The following PARN variants were observed in gnomAD, a reference collection of about 807,000 sequenced individuals.
PARN encodes the protein poly(A)-specific ribonuclease PARN.
Under a neutral mutation model 102.8 loss-of-function variants are expected in PARN, and 71 were observed. The ratio of observed to expected loss-of-function variants is 0.69; its 90% CI spans 0.57 to 0.84. The LOEUF is 0.84. Among genes scored for constraint, PARN ranks in the 40% least tolerant of loss-of-function variants. PARN has a pLI of 0.00. For synonymous variants in PARN, 261 were observed against 252.9 expected, an observed-to-expected ratio of 1.03 and a Z score of -0.30; for missense variants, 782 against 760.9, an observed-to-expected ratio of 1.03 and a Z score of -0.33.
chr16:14,526,259 C>T (rs1420630715), intron 21 of PARN, among the ~76,000 whole-genome samples: 1 of 151,476 alleles, frequency 6.6e-6, no homozygotes, highest in African/African-American at 2.4e-5. Context: ...TCACTGCAAG[C>T]TCCGCCTCCC....
intron 22 of PARN, among the ~76,000 whole-genome samples, chr16:14,478,111 T>G (rs908507718): frequency 5.9e-5 from 9 of 151,974 alleles, no homozygotes; most frequent in Non-Finnish European, 1.3e-4. Flanking sequence ...AGGTCAAAGG[T>G]TCAAGACCAG....
intron 13 of PARN, among the ~76,000 whole-genome samples, chr16:14,586,575 TA>T (rs949276598): frequency 6.6e-6 from 1 of 152,136 alleles, no homozygotes; most frequent in Non-Finnish European, 1.5e-5. Flanking sequence ...ACCTGATAAC[TA>T]ACTTCTGCAT....
intron 6 of PARN, among the ~76,000 whole-genome samples, 155 bp downstream of exon 6, chr16:14,617,435 G>A (rs893456786): frequency 6.7e-4 from 101 of 150,730 alleles, no homozygotes; most frequent in African/African-American, 2.4e-3. Flanking sequence ...AAAATTCTAA[G>A]GCTGCATATG....
chr16:14,586,975 T>A (rs1969897519), intron 13 of PARN, among the ~76,000 whole-genome samples: 1 of 152,244 alleles, frequency 6.6e-6, no homozygotes, highest in Admixed American at 6.5e-5. Flanking sequence ...AAGTTTATTT[T>A]GATCAGGAAG....
chr16:14,608,265 C>T lies in PARN; in HGVS notation c.659+16G>A. The T allele has an allele frequency of 6.6e-7, 1 of 1,514,666 alleles. No homozygotes were observed. Among genetic ancestry groups the T allele is most frequent in the Non-Finnish European group, 9.0e-7 (1 of 1,116,872 alleles). 93.8% of individuals were successfully genotyped at this position (1,514,666 alleles called of 1,614,324 possible). ...GGGTCCCCCACAGAGCTGCTGCATA[C>T]AATATAAATACTTACTTCCAGCTCA... On this transcript the variant is annotated intron_variant, in intron 9 of 23. Coordinates refer to ENST00000437198, the MANE Select transcript of PARN (RefSeq NM_002582.4).
At position 14,435,742 on chromosome 16, in the gene PARN, T is replaced by C. The variant is rs1960652880; in HGVS notation, c.*975A>G. 1 of 152,078 alleles carries C rather than the reference T, an allele frequency of 6.6e-6. No homozygotes were observed. Among genetic ancestry groups the C allele is most frequent in the Non-Finnish European group, 1.5e-5 (1 of 68,020 alleles). 9.4% of individuals were successfully genotyped at this position (152,078 alleles called of 1,614,324 possible). ...TTAATTTTCATCTTTTGGAAATACATTTTTCATTTTTATTTCCACCATACA... is the reference window on the plus strand; with the variant it reads ...TTAATTTTCATCTTTTGGAAATACACTTTTCATTTTTATTTCCACCATACA... On this transcript the variant is annotated 3_prime_UTR_variant, in exon 24 of 24. Coordinates refer to ENST00000437198, the MANE Select transcript of PARN (RefSeq NM_002582.4).
chr16:14,542,574 AAAAAG>A (rs1466660524), intron 21 of PARN, among the ~76,000 whole-genome samples: 3 of 152,092 alleles, frequency 2.0e-5, no homozygotes, highest in Admixed American at 6.5e-5. Flanking sequence ...AATTAAAAAA[AAAAAG>A]AAAAGAAAAC....
At chr16:14,626,513 A>C (rs1409161925) in intron 5 of PARN, among the ~76,000 whole-genome samples, 1 of 152,144 alleles carries the variant, frequency 6.6e-6, no homozygotes, top group African/African-American at 2.4e-5. Flanking sequence ...AAAATCCCAA[A>C]TGGAGTTACG....
At chr16:14,444,826 C>A (rs1344717978) in intron 23 of PARN, among the ~76,000 whole-genome samples, 5 of 152,108 alleles carry the variant, frequency 3.3e-5, no homozygotes, top group South Asian at 2.1e-4. Context: ...ACTTTTTCTT[C>A]TTTCTTTTCT....
chr16:14,624,884 T>C (rs534724334), intron 5 of PARN, among the ~76,000 whole-genome samples: 3 of 152,004 alleles, frequency 2.0e-5, no homozygotes, highest in East Asian at 3.9e-4. Context: ...AAACCCTATC[T>C]CTACTAAAAA....
chr16:14,471,766 T>C (rs1245293360), intron 22 of PARN, among the ~76,000 whole-genome samples: 1 of 152,194 alleles, frequency 6.6e-6, no homozygotes, highest in Non-Finnish European at 1.5e-5. Flanking sequence ...TTTTGTCTTT[T>C]TGTGATGGGC....
chr16:14,496,529 G>A (rs1964327645), intron 21 of PARN, among the ~76,000 whole-genome samples: 1 of 152,176 alleles, frequency 6.6e-6, no homozygotes, highest in Non-Finnish European at 1.5e-5. Flanking sequence ...GAAGTTGACA[G>A]ACAGCTGAAA....
At position 14,627,327 on chromosome 16, in the gene PARN, C is replaced by G; in HGVS notation, c.187G>C (p.Asp63His). Reference sequence around the variant, plus strand: ...AGGCCAAACTGAAATAGCAAAAAGTCCATGGAATGCTGGAAAAGGGAAATA... The same window carrying G: ...AGGCCAAACTGAAATAGCAAAAAGTGCATGGAATGCTGGAAAAGGGAAATA... ...RYQKLKKHSMDFLLFQFGLCT... is the reference protein window; with the variant it reads ...RYQKLKKHSMHFLLFQFGLCT... Residue 63 changes from aspartate to histidine, a missense_variant, in exon 4 of 24, where the codon GAC becomes CAC. Physicochemically the swap from Asp to His is moderately conservative, Grantham distance 81. Coordinates refer to ENST00000437198, the MANE Select transcript of PARN (RefSeq NM_002582.4). 6.3e-7 allele frequency: 1 copy of G among 1,586,206 alleles called. No individual in the cohort carries two copies. Among genetic ancestry groups the G allele is most frequent in the Non-Finnish European group, 8.6e-7 (1 of 1,165,050 alleles).
rs1967639910 is a variant in PARN at position 14,555,687 on chromosome 16, C to T, written c.1285G>A (p.Asp429Asn). 6.7e-7 allele frequency: 1 copy of T among 1,488,160 alleles called. No homozygotes were observed. The highest frequency in any genetic ancestry group is 9.1e-7 in the Non-Finnish European group (1 of 1,095,720). The allele number at this position is 1,488,160 out of a possible 1,614,324, so 92.2% of individuals were successfully genotyped here. A position where few individuals can be genotyped will look rare whatever the true frequency, so the allele number is the denominator to read the frequency against. ...CCTTCCAAGTTTAGATAGGGGATAT[C>T]CATGACCCTCATAAGAAATAACCTA... ...FNKLFLMRVM[D>N]IPYLNLEGPD... Residue 429 changes from aspartate (D) to asparagine (N), a missense_variant, in exon 19 of 24, where the codon GAT (aspartate) becomes AAT (asparagine). Asp to Asn is a conservative substitution (Grantham distance 23). Transcript: ENST00000437198.
chr16:14,581,651 G>A (rs915621590), intron 17 of PARN, among the ~76,000 whole-genome samples: 1 of 152,156 alleles, frequency 6.6e-6, no homozygotes, highest in African/African-American at 2.4e-5. Flanking sequence ...TGGGTGCGGT[G>A]GCTCAAGCCT....
At chr16:14,539,265 G>C (rs1464231208) in intron 21 of PARN, among the ~76,000 whole-genome samples, 1 of 152,170 alleles carries the variant, frequency 6.6e-6, no homozygotes, top group Non-Finnish European at 1.5e-5. Flanking sequence ...CAATGTAACA[G>C]AATATGAAAC....
chr16:14,590,584 G>GAGAT (rs1304961676), intron 13 of PARN, among the ~76,000 whole-genome samples: 1 of 143,684 alleles, frequency 7.0e-6, no homozygotes, highest in Non-Finnish European at 1.5e-5. Flanking sequence ...GCACTGAGCA[G>GAGAT]AGATCACACC....
chr16:14,484,616 C>T (rs1464767728), intron 21 of PARN, among the ~76,000 whole-genome samples: 3 of 152,148 alleles, frequency 2.0e-5, no homozygotes, highest in South Asian at 2.1e-4. Context: ...GTGGGCACGT[C>T]GGCACTGGAC....
At position 14,439,753 on chromosome 16, in the gene PARN, C is replaced by T. The variant is rs148978624; in HGVS notation, c.1865-2981G>A. On this transcript the variant is annotated intron_variant, in intron 23 of 23. Coordinates refer to ENST00000437198, the MANE Select transcript of PARN (RefSeq NM_002582.4). ...AAAAGAGGCTGGCTGTGGTGGCTCA[C>T]GCCTGTAATCCCAGCACTTTGGGAG... Among the ~76,000 whole-genome samples, 421 of 152,274 alleles carry T rather than the reference C, an allele frequency of 2.8e-3. 3 individuals carry two copies. The highest frequency in any genetic ancestry group is 0.013 in the Admixed American group (195 of 15,296).
Sources: allele counts gnomAD v4.1 joint callset (sites outside exome capture counted in the v4.1 genomes callset), GRCh38; gene constraint gnomAD v4.1.1; transcripts MANE v1.5; gene names NCBI Gene and HGNC (gene_info 2026-07-23, HGNC 2026-07-21).